The following CSMD3 variants were observed in gnomAD, a reference collection of about 807,000 sequenced individuals.
CSMD3 encodes CUB and sushi domain-containing protein 3.
In CSMD3, 177 loss-of-function variants were observed where a neutral mutation model predicts 435.2. That is an observed-to-expected ratio of 0.41 (90% confidence interval 0.36 to 0.46). The LOEUF (loss-of-function observed/expected upper bound fraction) is 0.46. Ranked by LOEUF, CSMD3 falls within the 20% of genes least tolerant of loss-of-function variation. CSMD3 has a pLI of 0.34. For missense variants in CSMD3, 4,265 were observed against 4,504.6 expected (o/e 0.95, Z 1.52); for synonymous variants, 1,656 against 1,520.5 (o/e 1.09, Z -2.07).
intron 24 of CSMD3, among the ~76,000 whole-genome samples, chr8:112,572,912 T>C (rs1829650432): frequency 4.4e-3 from 1 of 228 alleles, no homozygotes; most frequent in Admixed American, 0.083. Flanking sequence ...TAACAATTGA[T>C]GAAACCCACC....
intron 5 of CSMD3, among the ~76,000 whole-genome samples, chr8:113,057,227 C>T (rs570836193): frequency 6.6e-5 from 10 of 152,142 alleles, no homozygotes; most frequent in Non-Finnish European, 8.8e-5. Flanking sequence ...AACTATTTTA[C>T]TTATTTATTT....
At chr8:112,617,541 T>TA (rs1161136411) in intron 22 of CSMD3, among the ~76,000 whole-genome samples, 2 of 152,170 alleles carry the variant, frequency 1.3e-5, no homozygotes, top group African/African-American at 2.4e-5. Flanking sequence ...TCTCATTGAA[T>TA]AAAAAGTCTC....
At chr8:112,392,869 T>TC (rs1411164315) in intron 35 of CSMD3, among the ~76,000 whole-genome samples, 10 of 140,706 alleles carry the variant, frequency 7.1e-5, no homozygotes, top group South Asian at 6.4e-4. Context: ...TTTTTCTTTT[T>TC]TTTTTTTTTT....
At chr8:112,877,421 C>T (rs1184809661) in intron 10 of CSMD3, among the ~76,000 whole-genome samples, 1 of 151,862 alleles carries the variant, frequency 6.6e-6, no homozygotes, top group African/African-American at 2.4e-5. Context: ...TGTGTGCCAC[C>T]ACACCTGGCT....
intron 5 of CSMD3, among the ~76,000 whole-genome samples, chr8:113,037,562 T>G (rs1047860335): frequency 6.6e-6 from 1 of 152,118 alleles, no homozygotes; most frequent in South Asian, 2.1e-4. Flanking sequence ...CAAATCCCAG[T>G]ATGTTGTACT....
At chr8:112,934,118 A>AAACT (rs2083204502) in intron 9 of CSMD3, among the ~76,000 whole-genome samples, 2 of 152,156 alleles carry the variant, frequency 1.3e-5, no homozygotes, top group Non-Finnish European at 2.9e-5. Flanking sequence ...ACACTAGGAT[A>AAACT]AGGCATACTA....
At position 112,741,234 on chromosome 8, in the gene CSMD3, C is replaced by T. The variant is rs1347459407; in HGVS notation, c.1973-51184G>A. ...GTATATCTGATAAAGCGTTAATATC[C>T]AAATATATAAGAAACTCCTACAACT... On this transcript the variant is annotated intron_variant, in intron 13 of 70. Coordinates refer to ENST00000297405, the MANE Select transcript of CSMD3 (RefSeq NM_198123.2). Among the ~76,000 whole-genome samples the T allele has an allele frequency of 4.0e-5, 6 of 151,656 alleles. No individual in the cohort carries two copies. The East Asian group carries it at 1.2e-3, about 29-fold the overall frequency.
intron 65 of CSMD3, among the ~76,000 whole-genome samples, 169 bp downstream of exon 65, chr8:112,244,225 A>T (rs931326306): frequency 7.2e-5 from 11 of 152,302 alleles, no homozygotes; most frequent in Middle Eastern, 3.4e-3. Context: ...ATAGACTCAT[A>T]AAATTTATAT....
chr8:113,009,844 C>T (rs994716852), intron 6 of CSMD3, among the ~76,000 whole-genome samples: 4 of 151,614 alleles, frequency 2.6e-5, no homozygotes, highest in African/African-American at 9.7e-5. Context: ...TTGAGTTTTT[C>T]AATAACAGCC....
intron 13 of CSMD3, among the ~76,000 whole-genome samples, chr8:112,702,905 G>C (rs2076419683): frequency 6.6e-6 from 1 of 152,090 alleles, no homozygotes; most frequent in Non-Finnish European, 1.5e-5. Flanking sequence ...TCAATAGCTA[G>C]AGATATGGTA....
At chr8:113,156,931 CAA>C (rs1407142470) in intron 4 of CSMD3, among the ~76,000 whole-genome samples, 1 of 132,652 alleles carries the variant, frequency 7.5e-6, no homozygotes, top group South Asian at 2.5e-4. Flanking sequence ...GATTTTGTCT[CAA>C]AAGAGAGAGA....
intron 1 of CSMD3, among the ~76,000 whole-genome samples, chr8:113,323,223 GA>G (rs753804301): frequency 4.6e-5 from 7 of 152,058 alleles, no homozygotes; most frequent in Non-Finnish European, 8.8e-5. Flanking sequence ...CATGAGATTT[GA>G]GGCCTTGCCT....
intron 5 of CSMD3, among the ~76,000 whole-genome samples, chr8:113,086,176 G>C (rs1470901702): frequency 2.0e-5 from 3 of 151,686 alleles, no homozygotes; most frequent in Non-Finnish European, 4.4e-5. Flanking sequence ...GTGTACCTGG[G>C]AGGCGGAGCT....
intron 10 of CSMD3, among the ~76,000 whole-genome samples, chr8:112,873,165 T>C (rs1325460442): frequency 6.6e-6 from 1 of 152,052 alleles, no homozygotes; most frequent in African/African-American, 2.4e-5. Context: ...CTACTTGAAT[T>C]TATGTTGAAT....
At chr8:112,531,555 C>A (rs189128371) in intron 27 of CSMD3, among the ~76,000 whole-genome samples, 1 of 152,044 alleles carries the variant, frequency 6.6e-6, no homozygotes, top group Non-Finnish European at 1.5e-5. Context: ...GAAGGATCAT[C>A]CTGGCAACCC....
At chr8:112,292,056 T>C (rs1283212448) in intron 55 of CSMD3, among the ~76,000 whole-genome samples, 1 of 152,054 alleles carries the variant, frequency 6.6e-6, no homozygotes, top group East Asian at 1.9e-4. Flanking sequence ...TATACTTCTT[T>C]GCAAACTGGA....
chr8:112,818,015 A>G (rs1364236255), intron 12 of CSMD3, among the ~76,000 whole-genome samples: 4 of 151,876 alleles, frequency 2.6e-5, no homozygotes, highest in Admixed American at 2.0e-4. Context: ...TTTTATAATT[A>G]ATATTTTTTT....
intron 10 of CSMD3, among the ~76,000 whole-genome samples, chr8:112,861,191 A>T (rs1012609362): frequency 2.6e-5 from 4 of 151,642 alleles, no homozygotes; most frequent in Admixed American, 2.6e-4. Flanking sequence ...TCTTGTACTG[A>T]TAATAGCTAC....
chr8:112,993,062 A>C (rs1357264411), intron 6 of CSMD3, among the ~76,000 whole-genome samples: 1 of 151,792 alleles, frequency 6.6e-6, no homozygotes, highest in Non-Finnish European at 1.5e-5. Flanking sequence ...CCACATTAAG[A>C]GTCAAGAGCA....
Sources: allele counts gnomAD v4.1 joint callset (sites outside exome capture counted in the v4.1 genomes callset), GRCh38; gene constraint gnomAD v4.1.1; transcripts MANE v1.5; gene names NCBI Gene and HGNC (gene_info 2026-07-23, HGNC 2026-07-21).